PRKCE: variants seen among roughly 807,000 people sequenced by gnomAD.
The protein encoded by PRKCE is protein kinase C epsilon type.
A neutral mutation model predicts 85.4 loss-of-function variants in PRKCE; 16 were observed. That is an observed-to-expected ratio of 0.19 (90% CI 0.13 to 0.28). The LOEUF is 0.28. PRKCE is among the 10% of genes least tolerant of loss of function. The pLI is 1.00. For synonymous variants in PRKCE, 388 were observed against 371.5 expected (o/e 1.04, Z -0.51); for missense variants, 573 against 975.2 (o/e 0.59, Z 5.49).
At position 45,661,808 on chromosome 2, in the gene PRKCE, G is replaced by A. The variant is rs538299675; in HGVS notation, c.348+9360G>A. ...CCCGCCTTGGCCTCCCAAAGTGCTG[G>A]AATTACAGGCGTGAGCTACTGTCCC... On this transcript the variant is annotated intron_variant, in intron 1 of 14. Transcript: ENST00000306156. Among the ~76,000 whole-genome samples, 3 of 151,976 alleles carry A rather than the reference G, an allele frequency of 2.0e-5. No individual in the cohort carries two copies. In the South Asian group the frequency reaches 6.2e-4, roughly 32 times the overall value.
At chr2:46,002,181 G>A (rs1002321220) in intron 7 of PRKCE, among the ~76,000 whole-genome samples, 2 of 152,212 alleles carry the variant, frequency 1.3e-5, no homozygotes, top group African/African-American at 4.8e-5. Flanking sequence ...AGGGGGAAAG[G>A]CATCCGTAGC....
In PRKCE at chr2:45,813,879, C is replaced by T. The variant is rs143823809; in HGVS notation, c.349-29121C>T. Among the ~76,000 whole-genome samples the T allele has an allele frequency of 1.3e-3, 195 of 152,302 alleles. 1 individual carries two copies. Among genetic ancestry groups the T allele is most frequent in the Non-Finnish European group, 1.6e-3 (107 of 68,034 alleles). ...AGATTGCATCTGTTCTCTTCTGTTA[C>T]GGTATAAATACAGCTGAGATTAGCT... is the stretch of plus-strand genomic sequence containing the variant. On this transcript the variant is annotated intron_variant, in intron 1 of 14. Coordinates refer to ENST00000306156, the MANE Select transcript of PRKCE (RefSeq NM_005400.3).
At chr2:45,721,837 A>G (rs914237005) in intron 1 of PRKCE, among the ~76,000 whole-genome samples, 1 of 151,774 alleles carries the variant, frequency 6.6e-6, no homozygotes, top group Non-Finnish European at 1.5e-5. Context: ...TGATCATGCC[A>G]CTGTGCTGCA....
intron 2 of PRKCE, among the ~76,000 whole-genome samples, chr2:45,857,512 G>A (rs767926796): frequency 3.3e-5 from 5 of 152,178 alleles, no homozygotes; most frequent in Non-Finnish European, 7.4e-5. Context: ...TAGATCTATC[G>A]CTCTCATCAC....
intron 11 of PRKCE, among the ~76,000 whole-genome samples, chr2:46,127,613 A>G (rs1288285857): frequency 1.3e-5 from 2 of 152,242 alleles, no homozygotes; most frequent in East Asian, 1.9e-4. Context: ...GGGCCTCTCC[A>G]CACTGACTTG....
chr2:45,959,690 T>C (rs1392936208), intron 2 of PRKCE, among the ~76,000 whole-genome samples: 1 of 152,224 alleles, frequency 6.6e-6, no homozygotes, highest in Non-Finnish European at 1.5e-5. Context: ...AAACTTTTTG[T>C]TCCCAGAGGT....
chr2:45,961,986 C>T (rs947492538), intron 2 of PRKCE, among the ~76,000 whole-genome samples: 10 of 152,182 alleles, frequency 6.6e-5, no homozygotes, highest in African/African-American at 2.2e-4. Context: ...TGAACCACCG[C>T]GCCCGGCTGC....
At chr2:45,939,135 C>T (rs1347907060) in intron 2 of PRKCE, among the ~76,000 whole-genome samples, 1 of 152,236 alleles carries the variant, frequency 6.6e-6, no homozygotes, top group African/African-American at 2.4e-5. Context: ...CAAAACCAAA[C>T]ATTATACATT....
chr2:45,779,191 G>A (rs1238849146), intron 1 of PRKCE, among the ~76,000 whole-genome samples: 1 of 152,174 alleles, frequency 6.6e-6, no homozygotes, highest in Non-Finnish European at 1.5e-5. Flanking sequence ...ATTGTGGCCT[G>A]TTTTCCTCTA....
chr2:45,912,631 C>T (rs904951691), intron 2 of PRKCE, among the ~76,000 whole-genome samples: 1 of 152,094 alleles, frequency 6.6e-6, no homozygotes. Flanking sequence ...CCATGAGAGA[C>T]AGGTTCTGCA....
intron 1 of PRKCE, among the ~76,000 whole-genome samples, chr2:45,815,091 G>A (rs1688935951): frequency 6.6e-6 from 1 of 152,156 alleles, no homozygotes; most frequent in African/African-American, 2.4e-5. Flanking sequence ...CCCCATGGGA[G>A]AATTACCCTG....
At chr2:45,909,054 C>T (rs994686208) in intron 2 of PRKCE, among the ~76,000 whole-genome samples, 7 of 152,172 alleles carry the variant, frequency 4.6e-5, no homozygotes, top group African/African-American at 1.7e-4. Context: ...TGTTTTTGAA[C>T]TTAGAAAAAG....
chr2:46,020,263 G>A (rs937547077), intron 10 of PRKCE, among the ~76,000 whole-genome samples: 31 of 152,172 alleles, frequency 2.0e-4, no homozygotes, highest in African/African-American at 6.5e-4. Context: ...GGATGTACAC[G>A]CACCACCTAC....
chr2:46,085,709 C>G (rs916777642), intron 10 of PRKCE, among the ~76,000 whole-genome samples: 2 of 116,406 alleles, frequency 1.7e-5, no homozygotes, highest in Non-Finnish European at 1.7e-5. Context: ...TCTCAGGATC[C>G]TTCACTTAAT....
intron 10 of PRKCE, among the ~76,000 whole-genome samples, chr2:46,054,797 C>A (rs1428166052): frequency 1.3e-5 from 2 of 152,068 alleles, no homozygotes; most frequent in Non-Finnish European, 2.9e-5. Context: ...GCCCGCCCCA[C>A]CCCCCATCCT....
intron 1 of PRKCE, among the ~76,000 whole-genome samples, chr2:45,820,510 G>A (rs1689446210): frequency 6.6e-6 from 1 of 152,072 alleles, no homozygotes; most frequent in Non-Finnish European, 1.5e-5. Flanking sequence ...GGCATAAGGG[G>A]GTGGGAGACA....
intron 1 of PRKCE, among the ~76,000 whole-genome samples, chr2:45,780,600 G>A (rs965154913): frequency 1.8e-4 from 27 of 152,138 alleles, no homozygotes; most frequent in African/African-American, 6.3e-4. Flanking sequence ...CTTGTCTTTC[G>A]AGGCACATGT....
intron 1 of PRKCE, among the ~76,000 whole-genome samples, chr2:45,748,819 T>A (rs950628416): frequency 6.6e-5 from 10 of 152,244 alleles, no homozygotes; most frequent in African/African-American, 2.2e-4. Flanking sequence ...ATGAGAGATG[T>A]TGTGCCTTTG....
At chr2:45,809,603 G>A (rs1190345181) in intron 1 of PRKCE, among the ~76,000 whole-genome samples, 2 of 151,922 alleles carry the variant, frequency 1.3e-5, no homozygotes, top group African/African-American at 4.8e-5. Flanking sequence ...TCTGGGTACG[G>A]TCGGGCACGG....
Sources: allele counts gnomAD v4.1 joint callset (sites outside exome capture counted in the v4.1 genomes callset), GRCh38; gene constraint gnomAD v4.1.1; transcripts MANE v1.5; gene names NCBI Gene and HGNC (gene_info 2026-07-23, HGNC 2026-07-21).